The following MAGI2 variants were observed in gnomAD, a reference collection of about 807,000 sequenced individuals.
MAGI2 encodes the protein membrane associated guanylate kinase, WW and PDZ domain containing 2.
A neutral mutation model predicts 133.3 loss-of-function variants in MAGI2; 35 were observed. That is an observed-to-expected ratio of 0.26 (90% CI 0.20 to 0.35). The LOEUF (loss-of-function observed/expected upper bound fraction) is 0.35. MAGI2 is among the 10% of genes least tolerant of loss of function. The pLI, the probability that MAGI2 is intolerant of heterozygous loss-of-function variation, is 1.00. For synonymous variants in MAGI2, 729 were observed against 710.6 expected (o/e 1.03, Z -0.41); for missense variants, 1,636 against 1,863.4 (o/e 0.88, Z 2.25).
At chr7:78,724,898 G>A (rs564415101) in intron 2 of MAGI2, among the ~76,000 whole-genome samples, 7 of 152,130 alleles carry the variant, frequency 4.6e-5, no homozygotes, top group Non-Finnish European at 8.8e-5. Flanking sequence ...AAGACCTTGA[G>A]CCAATTGGAG....
chr7:79,361,593 G>A (rs1427504971), intron 1 of MAGI2, among the ~76,000 whole-genome samples: 2 of 152,176 alleles, frequency 1.3e-5, no homozygotes, highest in Non-Finnish European at 2.9e-5. Flanking sequence ...CAAGTGGCTG[G>A]TCGTGGAAAG....
At chr7:79,336,737 G>A (rs1206115417) in intron 1 of MAGI2, among the ~76,000 whole-genome samples, 11 of 152,118 alleles carry the variant, frequency 7.2e-5, no homozygotes, top group Admixed American at 7.2e-4. Flanking sequence ...ATTTTACTTA[G>A]TATGATGTCC....
At chr7:78,254,908 A>T (rs1792807280) in intron 10 of MAGI2, 1 of 152,270 alleles carries the variant, frequency 6.6e-6, no homozygotes, top group African/African-American at 2.4e-5. Context: ...TAGTGAGCAG[A>T]TGTTGGGCTA....
In MAGI2 at chr7:79,210,405, T is replaced by C. The variant is rs563397420; in HGVS notation, c.302-203199A>G. On this transcript the variant is annotated intron_variant, in intron 1 of 21. Coordinates refer to ENST00000354212, the MANE Select transcript of MAGI2 (RefSeq NM_012301.4). Reference sequence around the variant, plus strand: ...AGTCTTGATTGATCAGGATTCCTATTTTAGGCTTACTCTTCCCAGGTAATT... The same window carrying C: ...AGTCTTGATTGATCAGGATTCCTATCTTAGGCTTACTCTTCCCAGGTAATT... Among the ~76,000 whole-genome samples the C allele has an allele frequency of 1.8e-4, 28 of 152,208 alleles. No individual in the cohort carries two copies. The South Asian group carries it at 4.6e-3, about 25-fold the overall frequency.
rs60322546 is a variant in MAGI2 at position 78,243,269 on chromosome 7, A to ACTCT, written c.2047+12670_2047+12673dup. Among the ~76,000 whole-genome samples, 4 of 62,854 alleles carry ACTCT rather than the reference A, an allele frequency of 6.4e-5. No homozygotes were observed. The South Asian group carries it at 1.2e-3, about 18-fold the overall frequency. 41.2% of individuals were successfully genotyped at this position (62,854 alleles called of 152,430 possible). A position where few individuals can be genotyped will look rare whatever the true frequency, so the allele number is the denominator to read the frequency against. ...CACACACACACACACACACACACAC[A>ACTCT]CTCTCTCTCTCTCTCTCTTATAAAA... On this transcript the variant is annotated intron_variant, in intron 10 of 21. Coordinates refer to ENST00000354212, the MANE Select transcript of MAGI2 (RefSeq NM_012301.4).
At chr7:78,770,326 A>T (rs1305318154) in intron 2 of MAGI2, among the ~76,000 whole-genome samples, 3 of 152,234 alleles carry the variant, frequency 2.0e-5, no homozygotes, top group Non-Finnish European at 2.9e-5. Flanking sequence ...AATAGGAGGT[A>T]AAACACACTC....
intron 1 of MAGI2, among the ~76,000 whole-genome samples, chr7:79,221,711 T>C (rs1436291106): frequency 6.6e-6 from 1 of 152,130 alleles, no homozygotes; most frequent in East Asian, 1.9e-4. Flanking sequence ...TTGAAAAGTT[T>C]AATGCACAAT....
At chr7:78,423,031 G>T (rs897032095) in intron 6 of MAGI2, among the ~76,000 whole-genome samples, 19 of 152,140 alleles carry the variant, frequency 1.2e-4, no homozygotes, top group African/African-American at 4.6e-4. Flanking sequence ...TAAATTAAAA[G>T]AAACATTTTT....
At chr7:78,696,732 G>T (rs552349926) in intron 2 of MAGI2, among the ~76,000 whole-genome samples, 1 of 152,064 alleles carries the variant, frequency 6.6e-6, no homozygotes, top group Non-Finnish European at 1.5e-5. Flanking sequence ...TCAACAGAAT[G>T]TAAGAGTTAC....
chr7:78,285,613 C>T (rs753308330), intron 9 of MAGI2: 3 of 152,110 alleles, frequency 2.0e-5, no homozygotes, highest in South Asian at 2.1e-4. Flanking sequence ...TGCCCATGGT[C>T]GCCAGAGTTC....
At chr7:78,289,142 G>C (rs910524533) in intron 9 of MAGI2, among the ~76,000 whole-genome samples, 1 of 152,022 alleles carries the variant, frequency 6.6e-6, no homozygotes, top group Non-Finnish European at 1.5e-5. Flanking sequence ...CAGATGATCG[G>C]TAATAACAAA....
At position 79,052,583 on chromosome 7, in the gene MAGI2, C is replaced by T. The variant is rs117231578; in HGVS notation, c.302-45377G>A. 4.9e-3 allele frequency among the ~76,000 whole-genome samples: 746 copies of T among 152,184 alleles called. 3 individuals are homozygous for T. The highest frequency in any genetic ancestry group is 6.5e-3 in the Non-Finnish European group (441 of 68,010). ...ATCTCATTGCCTAAGCCAACTTGAC[C>T]GCGTCGCTTGCTTGGGACCCTGACA... is the stretch of plus-strand genomic sequence containing the variant. On this transcript the variant is annotated intron_variant, in intron 1 of 21. Coordinates refer to ENST00000354212, the MANE Select transcript of MAGI2 (RefSeq NM_012301.4).
At chr7:78,543,527 TTA>T (rs2150676547) in intron 3 of MAGI2, among the ~76,000 whole-genome samples, 1 of 152,304 alleles carries the variant, frequency 6.6e-6, no homozygotes, top group African/African-American at 2.4e-5. Context: ...GCAATTTCCT[TTA>T]TATGAGGCCA....
chr7:78,669,216 A>G (rs929574051), intron 2 of MAGI2, among the ~76,000 whole-genome samples: 1 of 152,006 alleles, frequency 6.6e-6, no homozygotes, highest in African/African-American at 2.4e-5. Flanking sequence ...CAAATAGATG[A>G]AATAAAAAAT....
chr7:79,247,039 T>C (rs1334998010), intron 1 of MAGI2, among the ~76,000 whole-genome samples: 1 of 152,076 alleles, frequency 6.6e-6, no homozygotes, highest in Non-Finnish European at 1.5e-5. Flanking sequence ...TATTCTAGAA[T>C]AAAATATCCA....
chr7:78,070,600 ATATGTGTATATATATATGTG>A (rs1814559240), intron 21 of MAGI2, among the ~76,000 whole-genome samples: 2 of 48,364 alleles, frequency 4.1e-5, no homozygotes, highest in Non-Finnish European at 1.2e-4. Flanking sequence ...ATATGTGTAT[ATATGTGTATATATATATGTG>A]TGTGTGTGTG....
chr7:78,627,793 T>C (rs1377717729), intron 2 of MAGI2, among the ~76,000 whole-genome samples: 1 of 152,238 alleles, frequency 6.6e-6, no homozygotes, highest in African/African-American at 2.4e-5. Flanking sequence ...ACCTTTACTA[T>C]TACTTAAAAT....
chr7:78,841,362 T>A (rs982593501), intron 2 of MAGI2, among the ~76,000 whole-genome samples: 1 of 152,070 alleles, frequency 6.6e-6, no homozygotes, highest in African/African-American at 2.4e-5. Flanking sequence ...GCCTTGGAAC[T>A]TCCTCGCAAT....
intron 20 of MAGI2, among the ~76,000 whole-genome samples, chr7:78,113,945 A>T (rs1312847831): frequency 6.6e-6 from 1 of 152,210 alleles, no homozygotes; most frequent in East Asian, 1.9e-4. Context: ...AGGACAAGCT[A>T]TCATTCCACT....
Sources: gnomAD v4.1 joint callset for allele counts (sites outside exome capture counted in the v4.1 genomes callset) on GRCh38, gnomAD v4.1.1 for gene constraint, MANE v1.5 for transcripts, NCBI Gene and HGNC (gene_info 2026-07-23, HGNC 2026-07-21) for gene names.